TNIK: variants seen among roughly 807,000 people sequenced by gnomAD.
TNIK encodes the protein TRAF2 and NCK-interacting protein kinase.
A neutral mutation model predicts 191.3 loss-of-function variants in TNIK; 49 were observed. The observed-to-expected ratio is 0.26, with a 90% CI of 0.20 to 0.32. The LOEUF is 0.32. Ranked by LOEUF, TNIK falls within the 10% of genes least tolerant of loss-of-function variation. The pLI, the probability that TNIK is intolerant of heterozygous loss-of-function variation, is 1.00. For missense variants in TNIK, 1,155 were observed against 1,702.3 expected, an observed-to-expected ratio of 0.68 and a Z score of 5.66; for synonymous variants, 594 against 600.9, an observed-to-expected ratio of 0.99 and a Z score of 0.17.
chr3:171,360,767 G>A (rs1714849873), intron 2 of TNIK, among the ~76,000 whole-genome samples: 1 of 152,192 alleles, frequency 6.6e-6, no homozygotes, highest in Non-Finnish European at 1.5e-5. Context: ...CATCTTTTAA[G>A]ACTCCACTCA....
intron 18 of TNIK, among the ~76,000 whole-genome samples, chr3:171,111,186 C>G (rs1187998773): frequency 1.3e-5 from 2 of 152,154 alleles, no homozygotes; most frequent in Admixed American, 1.3e-4. Context: ...CTTTGGAAGG[C>G]TCAGGTGGGA....
At chr3:171,093,077 C>A (rs1451199069) in intron 23 of TNIK, among the ~76,000 whole-genome samples, 6 of 152,094 alleles carry the variant, frequency 3.9e-5, no homozygotes, top group Admixed American at 3.9e-4. Context: ...GTAACATTTG[C>A]CCAATGTTCT....
chr3:171,450,214 A>C (rs878928499), intron 1 of TNIK, among the ~76,000 whole-genome samples: 2 of 152,220 alleles, frequency 1.3e-5, no homozygotes, highest in Non-Finnish European at 2.9e-5. Flanking sequence ...ATAGAATCGT[A>C]ACCTTTATTT....
intron 1 of TNIK, among the ~76,000 whole-genome samples, chr3:171,405,335 G>A (rs1383840595): frequency 9.9e-5 from 15 of 152,112 alleles, no homozygotes; most frequent in Non-Finnish European, 4.4e-5. Flanking sequence ...GTAAGTTTTT[G>A]ATCAACTGGT....
rs1741817565 is a variant in TNIK at position 171,218,874 on chromosome 3, T to TATATC, written c.181-7634_181-7633insGATAT. On this transcript the variant is annotated intron_variant, in intron 3 of 32. Transcript: ENST00000436636. Reference sequence around the variant, plus strand: ...TTACATATATTTAATATAAATATATTTTATTTTTATATATTATATATTTAC... The same window carrying TATATC: ...TTACATATATTTAATATAAATATATTATATCTTATTTTTATATATTATATATTTAC... 3.7e-5 allele frequency among the ~76,000 whole-genome samples: 3 copies of TATATC among 80,622 alleles called. No homozygotes were observed. The Admixed American group carries it at 4.0e-4, about 11-fold the overall frequency. 52.9% of individuals were successfully genotyped at this position (80,622 alleles called of 152,430 possible). A position where few individuals can be genotyped will look rare whatever the true frequency, so the allele number is the denominator to read the frequency against.
chr3:171,304,740 C>T (rs9838448), intron 2 of TNIK, among the ~76,000 whole-genome samples: 58,959 of 151,520 alleles, frequency 0.39, 12,262 homozygotes, highest in Non-Finnish European at 0.47. Context: ...AACCATCATT[C>T]TCAGCAAACT....
rs1300793317 is a variant in TNIK at position 171,460,075 on chromosome 3, C to A, written c.-12G>T. The A allele has an allele frequency of 6.2e-7, 1 of 1,602,280 alleles. No homozygotes were observed. On this transcript the variant is annotated 5_prime_UTR_variant, in exon 1 of 33. Coordinates refer to ENST00000436636, the MANE Select transcript of TNIK (RefSeq NM_015028.4). The surrounding 1 kb of genome is among the most constrained non-coding windows in gnomAD (Gnocchi z 6.8). ...GAGTCGCTCGCCATGTCTACTTCTT[C>A]GCTGGAGAAATGGACCAAAACCACC...
rs750349079 is a variant in TNIK, at chr3:171,138,263, A to G, written c.1536T>C (p.Pro512=). 1.2e-6 allele frequency: 2 copies of G among 1,613,652 alleles called. No homozygotes were observed. The highest frequency in any genetic ancestry group is 2.2e-5 in the East Asian group (1 of 44,850). The change falls in exon 15 of 33, where the codon CCT becomes CCC. Residue 512 remains proline (P), a synonymous_variant. Coordinates refer to ENST00000436636, the MANE Select transcript of TNIK (RefSeq NM_015028.4). ...SLQHQRQEQR[P]VEKKPLYHYK... ...AATGGTACAGTGGCTTCTTCTCCACAGGCCTCTGCTCCTGCCGCTGATGCT... is the reference window on the plus strand; with the variant it reads ...AATGGTACAGTGGCTTCTTCTCCACGGGCCTCTGCTCCTGCCGCTGATGCT...
intron 2 of TNIK, among the ~76,000 whole-genome samples, chr3:171,268,646 A>T (rs1748695983): frequency 6.6e-6 from 1 of 151,920 alleles, no homozygotes; most frequent in Non-Finnish European, 1.5e-5. Context: ...ACCCCATGAA[A>T]TCTAACCTCA....
intron 1 of TNIK, among the ~76,000 whole-genome samples, chr3:171,404,991 A>G (rs1560030142): frequency 6.6e-6 from 1 of 152,328 alleles, no homozygotes; most frequent in East Asian, 1.9e-4. Context: ...GGTCCTCAAA[A>G]TGGTACACTT....
intron 2 of TNIK, among the ~76,000 whole-genome samples, chr3:171,315,253 A>T (rs1463997780): frequency 1.3e-5 from 2 of 152,044 alleles, no homozygotes; most frequent in African/African-American, 4.8e-5. Flanking sequence ...AGACAACCAC[A>T]CGGGCCATTA....
At chr3:171,244,537 T>G (rs1479659895) in intron 2 of TNIK, among the ~76,000 whole-genome samples, 1 of 152,104 alleles carries the variant, frequency 6.6e-6, no homozygotes, top group Non-Finnish European at 1.5e-5. Flanking sequence ...AGGGATTTGC[T>G]GCATTCCAAT....
At position 171,177,307 on chromosome 3, in the gene TNIK, C is replaced by T. The variant is rs1736088731; in HGVS notation, c.694+19G>A. 6.2e-7 allele frequency: 1 copy of T among 1,601,660 alleles called. No individual in the cohort carries two copies. Among genetic ancestry groups the T allele is most frequent in the African/African-American group, 1.3e-5 (1 of 74,642 alleles). On this transcript the variant is annotated intron_variant, in intron 8 of 32. Transcript: ENST00000436636. Reference sequence around the variant, plus strand: ...AGAGCAGACCAGCAACAGATTTCACCCCAGAGGAGGGTACTTACGGGGAGC... The same window carrying T: ...AGAGCAGACCAGCAACAGATTTCACTCCAGAGGAGGGTACTTACGGGGAGC...
At chr3:171,067,070 C>G (rs370177930) in intron 30 of TNIK, among the ~76,000 whole-genome samples, 1 of 152,144 alleles carries the variant, frequency 6.6e-6, no homozygotes, top group Non-Finnish European at 1.5e-5. Context: ...GAGGAAACTG[C>G]ATCTCAGAAG....
chr3:171,206,600 C>T (rs1404139595), intron 4 of TNIK, among the ~76,000 whole-genome samples: 1 of 152,082 alleles, frequency 6.6e-6, no homozygotes, highest in Non-Finnish European at 1.5e-5. Flanking sequence ...TTAACAAAAA[C>T]TTCCAGGGGG....
At chr3:171,337,347 C>T (rs943171304) in intron 2 of TNIK, among the ~76,000 whole-genome samples, 18 of 152,152 alleles carry the variant, frequency 1.2e-4, no homozygotes, top group African/African-American at 3.6e-4. Flanking sequence ...GCAAGAGGAA[C>T]GGAAAGCAGG....
At chr3:171,432,402 T>G (rs1024445545) in intron 1 of TNIK, among the ~76,000 whole-genome samples, 4 of 152,132 alleles carry the variant, frequency 2.6e-5, no homozygotes, top group Non-Finnish European at 5.9e-5. Flanking sequence ...AAGATAAATA[T>G]TCACATGTGG....
At chr3:171,223,785 T>TA (rs1056444518) in intron 3 of TNIK, among the ~76,000 whole-genome samples, 4 of 152,166 alleles carry the variant, frequency 2.6e-5, no homozygotes, top group Non-Finnish European at 5.9e-5. Context: ...GATAGGAATA[T>TA]AAAAAATGTA....
At chr3:171,151,520 T>C (rs1732433285) in intron 12 of TNIK, among the ~76,000 whole-genome samples, 1 of 152,220 alleles carries the variant, frequency 6.6e-6, no homozygotes, top group Non-Finnish European at 1.5e-5. Flanking sequence ...GCAGGCTTTG[T>C]ATGAATTAAC....
Sources: gnomAD v4.1 joint callset for allele counts (sites outside exome capture counted in the v4.1 genomes callset) on GRCh38, gnomAD v4.1.1 for gene constraint, Gnocchi (gnomAD v3.1) non-coding constraint, MANE v1.5 for transcripts, NCBI Gene and HGNC (gene_info 2026-07-23, HGNC 2026-07-21) for gene names.